Variants in GSE1 observed in about 807,000 individuals in gnomAD.
GSE1 encodes the protein Gse1 coiled-coil protein.
In GSE1, 32 loss-of-function variants were observed where a neutral mutation model predicts 112.6. The ratio of observed to expected loss-of-function variants is 0.28; its 90% CI spans 0.21 to 0.38. The LOEUF is 0.38. Among genes scored for constraint, GSE1 ranks in the 10% least tolerant of loss-of-function variants. The probability of loss-of-function intolerance (pLI) is 1.00; values close to 1 mark genes in which losing one functional copy is unlikely to be tolerated. For missense variants in GSE1, 2,348 were observed against 1,699.2 expected (o/e 1.38, Z -6.71); for synonymous variants, 1,115 against 735.6 (o/e 1.52, Z -8.35).
intron 2 of GSE1, among the ~76,000 whole-genome samples, chr16:85,476,538 T>C (rs1424800899): frequency 1.3e-5 from 2 of 152,048 alleles, no homozygotes; most frequent in African/African-American, 4.8e-5. Flanking sequence ...CCGTTTTTGG[T>C]TCATTATATT....
intron 1 of GSE1, among the ~76,000 whole-genome samples, chr16:85,191,599 T>C (rs564538938): frequency 6.6e-6 from 1 of 152,324 alleles, no homozygotes; most frequent in South Asian, 2.1e-4. Context: ...ACGTACTTTC[T>C]ATCAAGTTGA....
At chr16:85,403,403 G>GC (rs2048166045) in intron 2 of GSE1, among the ~76,000 whole-genome samples, 1 of 152,190 alleles carries the variant, frequency 6.6e-6, no homozygotes, top group African/African-American at 2.4e-5. Flanking sequence ...CGTCAAAGCT[G>GC]CCCCCAACAC....
upstream of GSE1, among the ~76,000 whole-genome samples, chr16:85,611,838 G>T (rs1444015530): frequency 1.3e-5 from 2 of 151,196 alleles, no homozygotes; most frequent in Admixed American, 6.6e-5. Context: ...GCTCGCTCCC[G>T]TCGCAATCCG....
intron 1 of GSE1, among the ~76,000 whole-genome samples, chr16:85,179,878 A>T (rs1017465262): frequency 8.5e-5 from 13 of 152,366 alleles, no homozygotes; most frequent in African/African-American, 2.9e-4. Flanking sequence ...AGCCTTGGGC[A>T]AGATGTTCTA....
intron 2 of GSE1, among the ~76,000 whole-genome samples, chr16:85,378,639 G>T (rs1379277514): frequency 6.6e-6 from 1 of 152,176 alleles, no homozygotes; most frequent in Non-Finnish European, 1.5e-5. Context: ...CTCTCATGAG[G>T]CAGGCACAGT....
intron 2 of GSE1, among the ~76,000 whole-genome samples, chr16:85,510,694 A>G (rs1039614717): frequency 1.3e-5 from 2 of 152,188 alleles, no homozygotes; most frequent in Non-Finnish European, 1.5e-5. Context: ...CACGGCTCCC[A>G]TGCATGAAGA....
intron 2 of GSE1, among the ~76,000 whole-genome samples, chr16:85,465,232 C>G (rs115580531): frequency 0.026 from 3,955 of 152,344 alleles, 176 homozygotes; most frequent in African/African-American, 0.091. Flanking sequence ...GGGCTGCCCC[C>G]GCCCACCTGG....
intron 3 of GSE1, among the ~76,000 whole-genome samples, chr16:85,652,288 G>A (rs144149742): frequency 6.6e-6 from 1 of 152,254 alleles, no homozygotes; most frequent in Non-Finnish European, 1.5e-5. Context: ...CCCAAGGTCA[G>A]GTTGGCCCCT....
At chr16:85,326,840 G>A (rs2046237427) in intron 1 of GSE1, among the ~76,000 whole-genome samples, 1 of 152,240 alleles carries the variant, frequency 6.6e-6, no homozygotes, top group East Asian at 1.9e-4. Flanking sequence ...GTCCCGATCA[G>A]TTTAAGACCC....
At chr16:85,285,680 C>CA (rs1800855858) in intron 1 of GSE1, 1 of 129,538 alleles carries the variant, frequency 7.7e-6, no homozygotes, top group Admixed American at 7.9e-5. Flanking sequence ...GAAACTCTGT[C>CA]TCAAAAAAAA....
At chr16:85,334,871 G>C (rs2046449771) in intron 1 of GSE1, among the ~76,000 whole-genome samples, 1 of 152,070 alleles carries the variant, frequency 6.6e-6, no homozygotes, top group African/African-American at 2.4e-5. Context: ...AGCCGCTTTA[G>C]TGAGGTGTCT....
chr16:85,492,864 T>C (rs565180780), intron 2 of GSE1, among the ~76,000 whole-genome samples: 1 of 152,362 alleles, frequency 6.6e-6, no homozygotes, highest in African/African-American at 2.4e-5. Context: ...GCATCTGCTA[T>C]GAGCCTGGAG....
intron 1 of GSE1, among the ~76,000 whole-genome samples, chr16:85,191,790 A>G (rs1382813884): frequency 2.6e-5 from 4 of 152,116 alleles, no homozygotes; most frequent in Non-Finnish European, 5.9e-5. Context: ...TGCTGATGCA[A>G]CACGTATGGG....
chr16:85,267,013 A>T (rs1396197972), intron 1 of GSE1, among the ~76,000 whole-genome samples: 1 of 152,176 alleles, frequency 6.6e-6, no homozygotes, highest in African/African-American at 2.4e-5. Flanking sequence ...GGGCTCCGAG[A>T]CGGCTGGCTC....
At chr16:85,195,483 G>A (rs977958274) in intron 1 of GSE1, among the ~76,000 whole-genome samples, 2 of 152,164 alleles carry the variant, frequency 1.3e-5, no homozygotes, top group Non-Finnish European at 2.9e-5. Flanking sequence ...CACTTGCCTC[G>A]AGTCACGCAG....
rs185677262 is a variant in GSE1, at chr16:85,299,989, A to G, written c.2284-57474A>G. Among the ~76,000 whole-genome samples the G allele has an allele frequency of 3.8e-3, 581 of 151,410 alleles. 1 individual carries two copies. Among genetic ancestry groups the G allele is most frequent in the Admixed American group, 4.7e-3 (71 of 15,202 alleles). ...AAAAGCTTTTTAATTGTGTGGAAAC[A>G]TATATAACATACAATTTCCCATGTT... On this transcript the variant is annotated intron_variant, in intron 1 of 2. Transcript: ENST00000637419.
At chr16:85,481,935 G>A (rs889563282) in intron 2 of GSE1, among the ~76,000 whole-genome samples, 7 of 152,248 alleles carry the variant, frequency 4.6e-5, no homozygotes, top group African/African-American at 1.7e-4. Flanking sequence ...AGCCGCCGAC[G>A]GACCATACCG....
At position 85,656,411 on chromosome 16, in the gene GSE1, CT is replaced by C. The variant is rs2051947602; in HGVS notation, c.1059del (p.Asp354ThrfsTer79). On this transcript the variant is annotated frameshift_variant, in exon 7 of 16. Transcript: ENST00000253458. LOFTEE classifies it high-confidence loss of function. The stretch of plus-strand genomic sequence containing the variant: ...CGCGAGCGCGAGCGTGAGCGTGAGG[CT>C]GACCGCGAGCGGGAGAAGGAACGTG... ...RERERERERE[A>X]DREREKERER... 8 of 1,567,744 alleles carry C rather than the reference CT, an allele frequency of 5.1e-6. No homozygotes were observed. Among genetic ancestry groups the C allele is most frequent in the Non-Finnish European group, 6.9e-6 (8 of 1,151,362 alleles).
rs149163248 is a variant in GSE1 at position 85,657,512 on chromosome 16, C to T, written c.1548C>T (p.Ser516=). The T allele has an allele frequency of 9.4e-4, 1,516 of 1,604,590 alleles. 9 individuals are homozygous for T. The African/African-American group carries it at 0.015, about 16-fold the overall frequency. The stretch of plus-strand genomic sequence containing the variant: ...AGGAGGACCGGCAGTCTCAGGTGTC[C>T]GAGTTCCGGCAGCAGGTGCTGGAGC... ...QEKEDRQSQV[S]EFRQQVLEQH... is the part of the protein sequence containing the mutation. Residue 516 remains serine, a synonymous_variant, in exon 8 of 16, where the codon TCC becomes TCT. Transcript: ENST00000253458.
Sources: allele counts gnomAD v4.1 joint callset (sites outside exome capture counted in the v4.1 genomes callset), GRCh38; gene constraint gnomAD v4.1.1; transcripts MANE v1.5; gene names NCBI Gene and HGNC (gene_info 2026-07-23, HGNC 2026-07-21).